KMT5B: variants seen among roughly 807,000 people sequenced by gnomAD.
The protein encoded by KMT5B is histone-lysine N-methyltransferase KMT5B.
In KMT5B, 10 loss-of-function variants were observed where a neutral mutation model predicts 83.2. That is an observed-to-expected ratio of 0.12 (90% CI 0.07 to 0.20). KMT5B has a LOEUF of 0.20. KMT5B is among the 10% of genes least tolerant of loss of function. The probability of loss-of-function intolerance (pLI) is 1.00; values close to 1 mark genes in which losing one functional copy is unlikely to be tolerated. For synonymous variants in KMT5B, 349 were observed against 388.8 expected (o/e 0.90, Z 1.20); for missense variants, 753 against 1,067.2 (o/e 0.71, Z 4.10).
upstream of KMT5B, chr11:68,213,376 C>A (rs1404941589): frequency 6.8e-6 from 1 of 147,294 alleles, no homozygotes; most frequent in Non-Finnish European, 1.5e-5. Flanking sequence ...CCCCCCGCCC[C>A]CAACCGGCCG....
intron 1 of KMT5B, among the ~76,000 whole-genome samples, chr11:68,210,250 G>GT (rs1286724474): frequency 6.6e-6 from 1 of 152,026 alleles, no homozygotes; most frequent in Non-Finnish European, 1.5e-5. Context: ...AAGCTTTGGG[G>GT]GGGGGGACAC....
chr11:68,167,897 C>T (rs765390615), intron 9 of KMT5B, among the ~76,000 whole-genome samples: 1 of 152,154 alleles, frequency 6.6e-6, no homozygotes, highest in Admixed American at 6.6e-5. Context: ...GTGGGCCAGG[C>T]ATGGTGGCTC....
chr11:68,166,073 C>A, intron 10 of KMT5B: 2 of 1,529,384 alleles, frequency 1.3e-6, no homozygotes, highest in South Asian at 1.3e-5. Context: ...ATTTAAGTGC[C>A]AACAAAGGCA....
chr11:68,167,774 C>T (rs147450556), intron 9 of KMT5B, among the ~76,000 whole-genome samples: 1 of 152,254 alleles, frequency 6.6e-6, no homozygotes, highest in African/African-American at 2.4e-5. Context: ...TAAACATTGC[C>T]AGATTACTTT....
intron 4 of KMT5B, 67 bp downstream of exon 4, chr11:68,180,065 A>C: frequency 6.7e-7 from 1 of 1,489,898 alleles, no homozygotes; most frequent in South Asian, 1.3e-5. Flanking sequence ...ACTTAACATA[A>C]AAGAACATTT....
At chr11:68,167,675 C>G (rs1420354653) in intron 9 of KMT5B, among the ~76,000 whole-genome samples, 1 of 152,088 alleles carries the variant, frequency 6.6e-6, no homozygotes, top group Non-Finnish European at 1.5e-5. Flanking sequence ...CCAGGCTGGT[C>G]TCCAACTGCT....
intron 4 of KMT5B, among the ~76,000 whole-genome samples, chr11:68,175,786 G>A (rs1400528227): frequency 6.6e-6 from 1 of 152,156 alleles, no homozygotes; most frequent in Non-Finnish European, 1.5e-5. Flanking sequence ...ACACCTTGAT[G>A]TTCTAACCAC....
Position 68,168,164 on chromosome 11 carries a change from A to T in KMT5B, c.978-986T>A, listed in dbSNP as rs367769193. 3.3e-5 allele frequency among the ~76,000 whole-genome samples: 5 copies of T among 152,124 alleles called. No homozygotes were observed. The East Asian group carries it at 7.7e-4, about 23-fold the overall frequency. On this transcript the variant is annotated intron_variant, in intron 9 of 10. Coordinates refer to ENST00000304363, the MANE Select transcript of KMT5B (RefSeq NM_017635.5). ...CACAGAGCAAGACTCCGTCTAAAAA[A>T]ATTTTACTTTTTGCCAAAGTGATGA...
rs976892045 is a variant in KMT5B, at chr11:68,157,392, C to T, written c.*296G>A. The T allele has an allele frequency of 2.1e-5, 5 of 237,108 alleles. No homozygotes were observed. The highest frequency in any genetic ancestry group is 4.0e-5 in the Non-Finnish European group (5 of 124,814). The allele number at this position is 237,108 out of a possible 1,614,324, so 14.7% of individuals were successfully genotyped here. On this transcript the variant is annotated 3_prime_UTR_variant, in exon 11 of 11. Coordinates refer to ENST00000304363, the MANE Select transcript of KMT5B (RefSeq NM_017635.5). The stretch of plus-strand genomic sequence containing the variant: ...TGTGTAGCCACATTACTGTTTTCAA[C>T]GTCCTGTGTGGAAAGTTGCTATCAC...
chr11:68,157,707 G>A lies in KMT5B; in HGVS notation c.2639C>T (p.Ser880Phe), dbSNP rs1260853997. The change falls in exon 11 of 11, where the codon TCT becomes TTT. Residue 880 changes from serine (S) to phenylalanine (F), a missense_variant. Physicochemically the swap from Ser to Phe is radical, Grantham distance 155 (BLOSUM62 -2). Transcript: ENST00000304363. ...DISSRRREDQSLRLNA is the reference protein window; with the variant it reads ...DISSRRREDQFLRLNA Reference sequence around the variant, plus strand: ...AAGAGCTTAGGCATTAAGCCTTAAAGACTGATCTTCTCTTCTCCTTGAAGA... The same window carrying A: ...AAGAGCTTAGGCATTAAGCCTTAAAAACTGATCTTCTCTTCTCCTTGAAGA... 6.3e-7 allele frequency: 1 copy of A among 1,588,076 alleles called. No homozygotes were observed. Among genetic ancestry groups the A allele is most frequent in the East Asian group, 2.2e-5 (1 of 44,572 alleles).
chr11:68,189,724 T>A (rs1857833034), intron 2 of KMT5B, 193 bp downstream of exon 2: 2 of 431,214 alleles, frequency 4.6e-6, no homozygotes, highest in Non-Finnish European at 8.0e-6. Flanking sequence ...ATATGAAGCA[T>A]TAAACTTGAG....
At chr11:68,161,644 A>G (rs944609386) in intron 10 of KMT5B, among the ~76,000 whole-genome samples, 1 of 151,976 alleles carries the variant, frequency 6.6e-6, no homozygotes, top group African/African-American at 2.4e-5. Context: ...CCCTTTCTTC[A>G]TTTCTCTGAA....
intron 4 of KMT5B, among the ~76,000 whole-genome samples, chr11:68,179,034 T>C (rs1407228024): frequency 6.6e-6 from 1 of 152,208 alleles, no homozygotes; most frequent in South Asian, 2.1e-4. Flanking sequence ...GGATTTACCC[T>C]GGCCTTTCTG....
At chr11:68,210,530 A>G (rs1326191124) in intron 1 of KMT5B, among the ~76,000 whole-genome samples, 3 of 152,200 alleles carry the variant, frequency 2.0e-5, no homozygotes, top group Admixed American at 2.0e-4. Flanking sequence ...ACAAACAGTG[A>G]TAGAGCAGAG....
Position 68,171,829 on chromosome 11 carries a change from T to G in KMT5B, c.654-120A>C. The G allele has an allele frequency of 2.5e-6, 2 of 811,928 alleles. No individual in the cohort carries two copies. The highest frequency in any genetic ancestry group is 3.8e-5 in the South Asian group (2 of 52,364). 50.3% of individuals were successfully genotyped at this position (811,928 alleles called of 1,614,324 possible). A position where few individuals can be genotyped will look rare whatever the true frequency, so the allele number is the denominator to read the frequency against. On this transcript the variant is annotated intron_variant, in intron 6 of 10. Transcript: ENST00000304363. This position sits in a 1 kb window ranked among gnomAD's most constrained non-coding sequence, Gnocchi z 5.1. ...TGAAAAGGCCTAGCTGTCTATACTT[T>G]AGTTAGCTCACTGGGATCCCCACCT...
rs746151863 is a variant in KMT5B at position 68,158,618 on chromosome 11, A to G, written c.1728T>C (p.Gly576=). 4.3e-6 allele frequency: 7 copies of G among 1,614,040 alleles called. No homozygotes were observed. The highest frequency in any genetic ancestry group is 5.1e-6 in the Non-Finnish European group (6 of 1,180,016). The part of the protein sequence containing the change: ...SSVTEPCPDS[G]EQLQPAPVLQ... ...GCACAGGAGCTGGCTGCAGCTGTTC[A>G]CCACTGTCGGGGCAAGGTTCCGTCA... The change falls in exon 11 of 11, where the codon GGT becomes GGC. Residue 576 remains glycine (G), a synonymous_variant. Coordinates refer to ENST00000304363, the MANE Select transcript of KMT5B (RefSeq NM_017635.5).
intron 6 of KMT5B, among the ~76,000 whole-genome samples, chr11:68,172,621 G>T (rs1855944773): frequency 6.6e-6 from 1 of 152,076 alleles, no homozygotes; most frequent in South Asian, 2.1e-4. Context: ...TATGAAATCT[G>T]GTGTGTATAG....
At chr11:68,172,131 T>G (rs771517927) in intron 6 of KMT5B, among the ~76,000 whole-genome samples, 27 of 152,264 alleles carry the variant, frequency 1.8e-4, no homozygotes, top group Middle Eastern at 3.2e-3. Context: ...GAGCACACCA[T>G]CTGCTAGGAA....
At chr11:68,196,088 T>C (rs887626681) in intron 1 of KMT5B, among the ~76,000 whole-genome samples, 3 of 152,182 alleles carry the variant, frequency 2.0e-5, no homozygotes, top group Middle Eastern at 3.4e-3. Flanking sequence ...GCCCAGGAGA[T>C]GGAGGGTGAA....
Sources: gnomAD v4.1 joint callset for allele counts (sites outside exome capture counted in the v4.1 genomes callset) on GRCh38, gnomAD v4.1.1 for gene constraint, Gnocchi (gnomAD v3.1) non-coding constraint, MANE v1.5 for transcripts, NCBI Gene and HGNC (gene_info 2026-07-23, HGNC 2026-07-21) for gene names.